The following ROBO1 variants were observed in gnomAD, a reference collection of about 807,000 sequenced individuals.
ROBO1 encodes roundabout guidance receptor 1, also known as roundabout homolog 1.
Under a neutral mutation model 195.9 loss-of-function variants are expected in ROBO1, and 149 were observed. The ratio of observed to expected loss-of-function variants is 0.76; its 90% CI spans 0.67 to 0.87. The LOEUF (loss-of-function observed/expected upper bound fraction) is 0.87. Ranked by LOEUF, ROBO1 falls within the 40% of genes least tolerant of loss-of-function variation. The pLI is 0.00. For synonymous variants in ROBO1, 816 were observed against 733.2 expected (o/e 1.11, Z -1.82); for missense variants, 1,933 against 2,068.3 (o/e 0.93, Z 1.27).
chr3:78,726,836 AG>A (rs2082173315), intron 5 of ROBO1, among the ~76,000 whole-genome samples: 1 of 152,182 alleles, frequency 6.6e-6, no homozygotes, highest in African/African-American at 2.4e-5. Context: ...AAACATTTGA[AG>A]AAGAGTCACA....
chr3:78,802,749 TCAATAAC>T (rs1454139427), intron 4 of ROBO1, among the ~76,000 whole-genome samples: 1 of 133,692 alleles, frequency 7.5e-6, no homozygotes, highest in Non-Finnish European at 1.6e-5. Flanking sequence ...ATCATCATCA[TCAATAAC>T]ATTATCAACA....
At chr3:78,720,949 T>TGGGGGG (rs1559785864) in intron 5 of ROBO1, among the ~76,000 whole-genome samples, 1 of 138,088 alleles carries the variant, frequency 7.2e-6, no homozygotes, top group African/African-American at 3.1e-5. Context: ...TGTTGTGGGG[T>TGGGGGG]TGGGGGGGGG....
At chr3:79,157,426 C>T (rs1016744358) in intron 2 of ROBO1, among the ~76,000 whole-genome samples, 1 of 151,860 alleles carries the variant, frequency 6.6e-6, no homozygotes, top group Non-Finnish European at 1.5e-5. Flanking sequence ...GTCTTGTTTG[C>T]AGGCCTCAGC....
At chr3:78,913,052 TACCTTTATTTGAAAA>T (rs2038343956) in intron 4 of ROBO1, among the ~76,000 whole-genome samples, 2 of 152,174 alleles carry the variant, frequency 1.3e-5, no homozygotes, top group Admixed American at 1.3e-4. Flanking sequence ...TGAAAAATGT[TACCTTTATTTGAAAA>T]ATAAAATGTA....
intron 2 of ROBO1, among the ~76,000 whole-genome samples, chr3:79,563,366 T>C (rs1942987759): frequency 6.6e-6 from 1 of 152,116 alleles, no homozygotes; most frequent in Admixed American, 6.6e-5. Flanking sequence ...AAAGCGTGTG[T>C]ATTTCTGCCT....
chr3:79,044,566 G>A (rs937223225), intron 3 of ROBO1, among the ~76,000 whole-genome samples: 1 of 152,024 alleles, frequency 6.6e-6, no homozygotes, highest in Non-Finnish European at 1.5e-5. Context: ...ATAAATATAA[G>A]TGTCATGAAA....
chr3:79,059,314 A>G (rs1480393894), intron 3 of ROBO1, among the ~76,000 whole-genome samples: 2 of 152,062 alleles, frequency 1.3e-5, no homozygotes, highest in African/African-American at 4.8e-5. Flanking sequence ...GATCAGGGGC[A>G]GAAAATCTTT....
At chr3:79,329,832 T>C (rs1324146411) in intron 2 of ROBO1, among the ~76,000 whole-genome samples, 1 of 152,164 alleles carries the variant, frequency 6.6e-6, no homozygotes, top group Non-Finnish European at 1.5e-5. Flanking sequence ...GGACATAACC[T>C]TGTGGAGGTA....
intron 3 of ROBO1, among the ~76,000 whole-genome samples, chr3:78,982,458 C>T (rs1576508918): frequency 1.3e-5 from 2 of 152,182 alleles, no homozygotes; most frequent in South Asian, 2.1e-4. Flanking sequence ...ATCATACACA[C>T]GTCTATAAAC....
chr3:78,599,405 T>C (rs1477140039), intron 30 of ROBO1, among the ~76,000 whole-genome samples: 1 of 152,242 alleles, frequency 6.6e-6, no homozygotes, highest in East Asian at 1.9e-4. Flanking sequence ...TTGAGCTTTA[T>C]AGGACTTTCA....
intron 3 of ROBO1, among the ~76,000 whole-genome samples, chr3:79,001,391 T>A (rs941888880): frequency 1.3e-4 from 19 of 151,918 alleles, no homozygotes; most frequent in African/African-American, 4.6e-4. Context: ...TCCCACCAGA[T>A]CCCTCCCACG....
chr3:79,191,888 G>A (rs2108757023), intron 2 of ROBO1, among the ~76,000 whole-genome samples: 1 of 151,530 alleles, frequency 6.6e-6, no homozygotes, highest in Non-Finnish European at 1.5e-5. Flanking sequence ...CTGGGACAAG[G>A]ACTTACATTC....
intron 3 of ROBO1, among the ~76,000 whole-genome samples, chr3:79,045,339 TAA>T (rs1189300267): frequency 2.6e-5 from 4 of 152,052 alleles, no homozygotes; most frequent in Non-Finnish European, 5.9e-5. Context: ...AAGTTTTTCT[TAA>T]AAAAGCTAGT....
chr3:79,111,300 G>A (rs1353953152), intron 3 of ROBO1, among the ~76,000 whole-genome samples: 2 of 152,118 alleles, frequency 1.3e-5, no homozygotes, highest in Non-Finnish European at 2.9e-5. Flanking sequence ...CCTTAACCAG[G>A]CCTCTTGTGT....
intron 1 of ROBO1, among the ~76,000 whole-genome samples, chr3:79,621,453 C>G (rs1329634237): frequency 6.6e-6 from 1 of 152,112 alleles, no homozygotes; most frequent in South Asian, 2.1e-4. Context: ...CTTATCAAGG[C>G]TCATAGCCAT....
chr3:79,503,356 A>T (rs1940215666), intron 2 of ROBO1, among the ~76,000 whole-genome samples: 1 of 152,148 alleles, frequency 6.6e-6, no homozygotes, highest in South Asian at 2.1e-4. Context: ...CAAACTCAGG[A>T]CACGCCACCT....
chr3:79,210,343 C>T (rs1403826017), intron 2 of ROBO1, among the ~76,000 whole-genome samples: 3 of 152,044 alleles, frequency 2.0e-5, no homozygotes, highest in Non-Finnish European at 4.4e-5. Context: ...GGAACAGAAT[C>T]GAGAACCCAG....
At chr3:79,505,225 T>C (rs1380620457) in intron 2 of ROBO1, among the ~76,000 whole-genome samples, 2 of 150,268 alleles carry the variant, frequency 1.3e-5, no homozygotes, top group African/African-American at 4.9e-5. Context: ...ATTTTTTTTT[T>C]CTTAAATTGA....
chr3:78,627,247 A>G, intron 26 of ROBO1, 74 bp downstream of exon 26: 1 of 1,491,302 alleles, frequency 6.7e-7, no homozygotes, highest in Middle Eastern at 1.8e-4. Context: ...ACTTCGTGGG[A>G]TAGCATTTGG....
Sources: gnomAD v4.1 joint callset for allele counts (sites outside exome capture counted in the v4.1 genomes callset) on GRCh38, gnomAD v4.1.1 for gene constraint, MANE v1.5 for transcripts, NCBI Gene and HGNC (gene_info 2026-07-23, HGNC 2026-07-21) for gene names.